The following TAS2R1 variants were observed in gnomAD, a reference collection of about 807,000 sequenced individuals.
The protein encoded by TAS2R1 is taste receptor type 2 member 1.
For synonymous variants in TAS2R1, 141 were observed against 134.2 expected (o/e 1.05, Z -0.35); for missense variants, 370 against 353.4 (o/e 1.05, Z -0.38).
chr5:9,875,117 G>A, the TAS2R1 span, among the ~76,000 whole-genome samples: 5 of 152,174 alleles, frequency 3.3e-5, no homozygotes, highest in Non-Finnish European at 7.3e-5. Flanking sequence ...ATGGAAGAGA[G>A]AGGAATTCTC....
the TAS2R1 span, among the ~76,000 whole-genome samples, chr5:9,816,795 C>T: frequency 6.6e-6 from 1 of 152,168 alleles, no homozygotes; most frequent in African/African-American, 2.4e-5. Flanking sequence ...TATAACTGAT[C>T]ATTTATACAC....
chr5:9,717,328 G>T (rs1161517999), upstream of TAS2R1, among the ~76,000 whole-genome samples: 1 of 152,038 alleles, frequency 6.6e-6, no homozygotes, highest in East Asian at 1.9e-4. Context: ...AAGGACTTAA[G>T]AAGGGGGAAT....
the TAS2R1 span, among the ~76,000 whole-genome samples, chr5:9,837,120 C>T: frequency 1.3e-5 from 2 of 152,226 alleles, no homozygotes; most frequent in Admixed American, 1.3e-4. Flanking sequence ...AAGATGAACC[C>T]AAAGGCTTAG....
chr5:9,886,005 G>T, the TAS2R1 span, among the ~76,000 whole-genome samples: 47 of 151,740 alleles, frequency 3.1e-4, no homozygotes, highest in African/African-American at 1.1e-3. Context: ...ACTGTTACAA[G>T]CTTCAAATAT....
At chr5:9,769,936 A>T in the TAS2R1 span, among the ~76,000 whole-genome samples, 6 of 151,892 alleles carry the variant, frequency 4.0e-5, no homozygotes, top group African/African-American at 1.2e-4. Context: ...CCCTTTGTCC[A>T]TTTCTGCTTT....
At chr5:9,651,186 C>T (rs759263324) in intron 2 of TAS2R1, among the ~76,000 whole-genome samples, 23 of 152,144 alleles carry the variant, frequency 1.5e-4, no homozygotes, top group Admixed American at 9.2e-4. Flanking sequence ...CAGACAGATG[C>T]TCTCAAGGTG....
the TAS2R1 span, among the ~76,000 whole-genome samples, chr5:9,850,951 C>G: frequency 7.5e-3 from 1,136 of 152,240 alleles, 8 homozygotes; most frequent in Middle Eastern, 0.02. Context: ...TGAAAGAGAA[C>G]ATTCTGTTTC....
At chr5:9,728,908 T>C in the TAS2R1 span, among the ~76,000 whole-genome samples, 1 of 152,176 alleles carries the variant, frequency 6.6e-6, no homozygotes, top group Admixed American at 6.5e-5. Context: ...TAGGCTCTCT[T>C]GTTCAGGACT....
chr5:9,722,186 G>C, the TAS2R1 span, among the ~76,000 whole-genome samples: 1 of 152,226 alleles, frequency 6.6e-6, no homozygotes, highest in Non-Finnish European at 1.5e-5. Flanking sequence ...CAGCCCAGGA[G>C]GAACCGCTGC....
At chr5:9,902,457 A>G in the TAS2R1 span, among the ~76,000 whole-genome samples, 5 of 152,174 alleles carry the variant, frequency 3.3e-5, no homozygotes, top group South Asian at 2.1e-4. Context: ...AATTTCTTCT[A>G]AAATTTGGCT....
chr5:9,736,161 AC>A, the TAS2R1 span, among the ~76,000 whole-genome samples: 2 of 152,326 alleles, frequency 1.3e-5, no homozygotes, highest in South Asian at 4.1e-4. Context: ...CACAGGTTTT[AC>A]TGAAACCCAA....
the TAS2R1 span, among the ~76,000 whole-genome samples, chr5:9,843,564 C>T: frequency 2.0e-5 from 3 of 152,226 alleles, no homozygotes; most frequent in Non-Finnish European, 2.9e-5. Flanking sequence ...AGGTGCCACA[C>T]ATTTAACCGT....
At chr5:9,686,747 C>T (rs1579783568) in intron 1 of TAS2R1, among the ~76,000 whole-genome samples, 1 of 151,908 alleles carries the variant, frequency 6.6e-6, no homozygotes, top group East Asian at 1.9e-4. Context: ...TATATGGCTG[C>T]CAAAATTTTC....
chr5:9,666,286 C>A (rs1740630922), intron 1 of TAS2R1, among the ~76,000 whole-genome samples: 1 of 152,020 alleles, frequency 6.6e-6, no homozygotes, highest in Non-Finnish European at 1.5e-5. Flanking sequence ...ACTGAGAGAC[C>A]CTTGATGGGC....
upstream of TAS2R1, among the ~76,000 whole-genome samples, chr5:9,632,563 C>T (rs1488620188): frequency 2.0e-5 from 3 of 152,190 alleles, no homozygotes; most frequent in Non-Finnish European, 1.5e-5. Flanking sequence ...CCTCTCAAAC[C>T]GTGCCACTAC....
the TAS2R1 span, among the ~76,000 whole-genome samples, chr5:9,802,737 C>T: frequency 2.0e-5 from 3 of 152,028 alleles, no homozygotes; most frequent in South Asian, 2.1e-4. Flanking sequence ...CCCATCTCTA[C>T]TAAAAATACA....
chr5:9,792,756 T>C, the TAS2R1 span, among the ~76,000 whole-genome samples: 2 of 152,104 alleles, frequency 1.3e-5, no homozygotes, highest in East Asian at 3.9e-4. Flanking sequence ...TATATATGAA[T>C]CTTTACTTCT....
At chr5:9,891,179 T>C in the TAS2R1 span, among the ~76,000 whole-genome samples, 2 of 152,160 alleles carry the variant, frequency 1.3e-5, no homozygotes, top group African/African-American at 2.4e-5. Context: ...ATGCCCCTTT[T>C]CCAGCCACAC....
intron 1 of TAS2R1, among the ~76,000 whole-genome samples, chr5:9,694,059 C>T (rs531588335): frequency 6.6e-6 from 1 of 152,276 alleles, no homozygotes; most frequent in Admixed American, 6.5e-5. Flanking sequence ...AAAGCTATTA[C>T]TGGTCTAGTG....
Sources: allele counts gnomAD v4.1 joint callset (sites outside exome capture counted in the v4.1 genomes callset), GRCh38; gene constraint gnomAD v4.1.1; transcripts MANE v1.5; gene names NCBI Gene and HGNC (gene_info 2026-07-23, HGNC 2026-07-21).